Variants in SUGCT observed in about 807,000 individuals in gnomAD.
SUGCT encodes succinyl-CoA:glutarate-CoA transferase, also known as succinyl-CoA:glutarate CoA-transferase.
In SUGCT, 41 loss-of-function variants were observed where a neutral mutation model predicts 55.0. The ratio of observed to expected loss-of-function variants is 0.74; its 90% CI spans 0.58 to 0.97. The LOEUF (loss-of-function observed/expected upper bound fraction) is 0.97, where lower values mean the gene tolerates loss of function less well. Ranked by LOEUF, SUGCT falls within the 50% of genes least tolerant of loss-of-function variation. The pLI, the probability that SUGCT is intolerant of heterozygous loss-of-function variation, is 0.00. For missense variants in SUGCT, 568 were observed against 547.8 expected, an observed-to-expected ratio of 1.04 and a Z score of -0.37; for synonymous variants, 187 against 200.4, an observed-to-expected ratio of 0.93 and a Z score of 0.56.
the SUGCT span, among the ~76,000 whole-genome samples, chr7:41,024,810 A>G: frequency 7.2e-5 from 11 of 152,168 alleles, no homozygotes; most frequent in Non-Finnish European, 1.3e-4. Flanking sequence ...GGCTATTCAG[A>G]CCCTACAACC....
At chr7:40,789,321 T>G (rs1030676909) in intron 13 of SUGCT, among the ~76,000 whole-genome samples, 1 of 152,180 alleles carries the variant, frequency 6.6e-6, no homozygotes, top group Non-Finnish European at 1.5e-5. Flanking sequence ...TTTTGTGAAT[T>G]TGACTATTTT....
intron 12 of SUGCT, among the ~76,000 whole-genome samples, chr7:40,566,163 G>A (rs1796138349): frequency 1.3e-5 from 2 of 151,990 alleles, no homozygotes; most frequent in South Asian, 4.1e-4. Context: ...CTTCTCCCCA[G>A]CACATGACCA....
chr7:40,730,645 A>G (rs1786845692), intron 12 of SUGCT, among the ~76,000 whole-genome samples: 4 of 152,136 alleles, frequency 2.6e-5, no homozygotes, highest in African/African-American at 9.7e-5. Flanking sequence ...TCTTGAATTT[A>G]TTCCTCCTAA....
chr7:40,347,157 A>G (rs1797360646), intron 9 of SUGCT, among the ~76,000 whole-genome samples: 1 of 152,198 alleles, frequency 6.6e-6, no homozygotes, highest in Non-Finnish European at 1.5e-5. Context: ...TGTTGGTAGA[A>G]GTATGGACAT....
chr7:40,405,640 T>C (rs1786319365), intron 9 of SUGCT, among the ~76,000 whole-genome samples: 4 of 151,886 alleles, frequency 2.6e-5, no homozygotes, highest in Admixed American at 2.6e-4. Flanking sequence ...CAAAACCCTG[T>C]CTCTACTAAA....
the SUGCT span, among the ~76,000 whole-genome samples, chr7:40,891,560 C>G: frequency 2.0e-5 from 3 of 151,988 alleles, no homozygotes; most frequent in African/African-American, 7.3e-5. Context: ...AATATTATAC[C>G]CAGCAAAGCC....
At chr7:40,443,444 G>A (rs2151417214) in intron 9 of SUGCT, among the ~76,000 whole-genome samples, 1 of 152,252 alleles carries the variant, frequency 6.6e-6, no homozygotes, top group East Asian at 1.9e-4. Context: ...ATCTCATTGT[G>A]ATTTTGATTT....
intron 6 of SUGCT, among the ~76,000 whole-genome samples, chr7:40,220,539 A>G (rs780336906): frequency 6.6e-6 from 1 of 152,208 alleles, no homozygotes; most frequent in Non-Finnish European, 1.5e-5. Context: ...TCTAAGTTGC[A>G]TGTGGAGGTG....
At chr7:40,620,228 T>G (rs1378741521) in intron 12 of SUGCT, among the ~76,000 whole-genome samples, 1 of 152,212 alleles carries the variant, frequency 6.6e-6, no homozygotes, top group African/African-American at 2.4e-5. Flanking sequence ...ATCAGGACTC[T>G]CCTATCACCC....
chr7:40,780,364 T>C (rs1373478711), intron 13 of SUGCT, among the ~76,000 whole-genome samples: 1 of 152,220 alleles, frequency 6.6e-6, no homozygotes, highest in Non-Finnish European at 1.5e-5. Context: ...GAAAATAAAC[T>C]CTCTAAAGAG....
chr7:40,628,060 T>C (rs1455463057), intron 12 of SUGCT, among the ~76,000 whole-genome samples: 1 of 152,240 alleles, frequency 6.6e-6, no homozygotes, highest in East Asian at 1.9e-4. Flanking sequence ...CCCTTATCTG[T>C]AGTTTTGCTT....
At chr7:40,507,590 T>C (rs1398487819) in intron 12 of SUGCT, among the ~76,000 whole-genome samples, 1 of 152,198 alleles carries the variant, frequency 6.6e-6, no homozygotes, top group Non-Finnish European at 1.5e-5. Context: ...CCTTTAGATA[T>C]GGACATAGTT....
At chr7:40,555,653 G>T (rs1417301206) in intron 12 of SUGCT, among the ~76,000 whole-genome samples, 1 of 152,152 alleles carries the variant, frequency 6.6e-6, no homozygotes, top group Non-Finnish European at 1.5e-5. Flanking sequence ...GTCTTGTGTG[G>T]AGCCTGACAG....
At chr7:40,833,854 T>A (rs981735906) in intron 13 of SUGCT, among the ~76,000 whole-genome samples, 1 of 152,230 alleles carries the variant, frequency 6.6e-6, no homozygotes, top group Non-Finnish European at 1.5e-5. Context: ...GGTGACGGAC[T>A]GTGGTAAATA....
At chr7:40,670,751 CA>C (rs1225449932) in intron 12 of SUGCT, among the ~76,000 whole-genome samples, 1 of 152,036 alleles carries the variant, frequency 6.6e-6, no homozygotes, top group East Asian at 1.9e-4. Context: ...AATAGCCTTA[CA>C]ATTATTAATA....
intron 5 of SUGCT, among the ~76,000 whole-genome samples, chr7:40,191,036 A>G (rs916402057): frequency 1.3e-5 from 2 of 152,174 alleles, no homozygotes; most frequent in African/African-American, 4.8e-5. Flanking sequence ...ATTTATTTAG[A>G]GACAGAGTCT....
chr7:40,811,258 G>A (rs908666325), intron 13 of SUGCT, among the ~76,000 whole-genome samples: 8 of 152,000 alleles, frequency 5.3e-5, no homozygotes, highest in Non-Finnish European at 7.4e-5. Context: ...CTCTTTTTTG[G>A]TTCCATATGA....
At chr7:40,660,828 G>A (rs1801267290) in intron 12 of SUGCT, among the ~76,000 whole-genome samples, 1 of 152,078 alleles carries the variant, frequency 6.6e-6, no homozygotes, top group South Asian at 2.1e-4. Flanking sequence ...ATCTACAGCT[G>A]TACCTGTTTT....
chr7:40,714,869 T>C (rs1263818670), intron 12 of SUGCT, among the ~76,000 whole-genome samples: 2 of 152,240 alleles, frequency 1.3e-5, no homozygotes, highest in African/African-American at 2.4e-5. Context: ...CATACTTTTC[T>C]CCTTCCGTGA....
Sources: gnomAD v4.1 joint callset for allele counts (sites outside exome capture counted in the v4.1 genomes callset) on GRCh38, gnomAD v4.1.1 for gene constraint, MANE v1.5 for transcripts, NCBI Gene and HGNC (gene_info 2026-07-23, HGNC 2026-07-21) for gene names.